The following EPB41L5 variants were observed in gnomAD, a reference collection of about 807,000 sequenced individuals.
EPB41L5 encodes erythrocyte membrane protein band 4.1 like 5.
EPB41L5 carries 55 observed loss-of-function variants against 106.6 expected under a neutral mutation model. That is an observed-to-expected ratio of 0.52 (90% CI 0.42 to 0.65). The LOEUF is 0.65. EPB41L5 is among the 30% of genes least tolerant of loss of function. EPB41L5 has a pLI of 0.00. For missense variants in EPB41L5, 871 were observed against 882.1 expected, an observed-to-expected ratio of 0.99 and a Z score of 0.16; for synonymous variants, 297 against 306.7, an observed-to-expected ratio of 0.97 and a Z score of 0.33.
At chr2:120,133,806 C>G (rs1229931708) in intron 18 of EPB41L5, among the ~76,000 whole-genome samples, 2 of 152,186 alleles carry the variant, frequency 1.3e-5, no homozygotes, top group Non-Finnish European at 2.9e-5. Flanking sequence ...GCATCACCCT[C>G]TCCCAGTCCC....
chr2:120,174,849 C>G lies in EPB41L5; in HGVS notation c.2144C>G (p.Pro715Arg), dbSNP rs1345353212. 1 of 1,614,010 alleles carries G rather than the reference C, an allele frequency of 6.2e-7. No individual in the cohort carries two copies. Among genetic ancestry groups the G allele is most frequent in the Non-Finnish European group, 8.5e-7 (1 of 1,180,022 alleles). ...FLVDAVTSSGPILAEEAVLKQ... is the reference protein window; with the variant it reads ...FLVDAVTSSGRILAEEAVLKQ... Reference sequence around the variant, plus strand: ...TTCTCTCTTCCTTTCAGCTCTGGTCCCATTTTGGCAGAAGAAGCTGTCCTG... The same window carrying G: ...TTCTCTCTTCCTTTCAGCTCTGGTCGCATTTTGGCAGAAGAAGCTGTCCTG... Residue 715 changes from proline (P) to arginine (R), a missense_variant, in exon 25 of 25, where the codon CCC becomes CGC. Physicochemically the swap from Pro to Arg is moderately radical, Grantham distance 103 (BLOSUM62 -2). Coordinates refer to ENST00000263713, the MANE Select transcript of EPB41L5 (RefSeq NM_020909.4).
At chr2:120,132,830 G>C (rs1025149974) in intron 18 of EPB41L5, among the ~76,000 whole-genome samples, 2 of 152,132 alleles carry the variant, frequency 1.3e-5, no homozygotes, top group South Asian at 2.1e-4. Context: ...TGGAGGACTG[G>C]AATGACCCTA....
intron 7 of EPB41L5, among the ~76,000 whole-genome samples, chr2:120,076,389 A>G (rs1045295262): frequency 6.6e-6 from 1 of 151,172 alleles, no homozygotes; most frequent in Non-Finnish European, 1.5e-5. Context: ...AGCTCTCTGA[A>G]GCCTTGAACT....
At chr2:120,082,186 C>G (rs146318663) in intron 10 of EPB41L5, among the ~76,000 whole-genome samples, 26,407 of 152,024 alleles carry the variant, frequency 0.17, 2,358 homozygotes, top group Middle Eastern at 0.23. Context: ...CTGTCTTGTG[C>G]CAGTTTTCAA....
chr2:120,060,982 G>A (rs2105280533), intron 3 of EPB41L5, among the ~76,000 whole-genome samples: 1 of 139,356 alleles, frequency 7.2e-6, no homozygotes, highest in Non-Finnish European at 1.5e-5. Flanking sequence ...GCTTGGTGAA[G>A]TTTGAAAAGG....
At chr2:120,167,685 G>A (rs181069182) in intron 23 of EPB41L5, among the ~76,000 whole-genome samples, 178 bp downstream of exon 23, 30 of 152,350 alleles carry the variant, frequency 2.0e-4, no homozygotes, top group Admixed American at 1.9e-3. Context: ...GTAAATGTTT[G>A]TCAGGATGCT....
At chr2:120,069,470 CCTAATAGACAT>C (rs1681705583) in intron 3 of EPB41L5, among the ~76,000 whole-genome samples, 1 of 152,040 alleles carries the variant, frequency 6.6e-6, no homozygotes, top group African/African-American at 2.4e-5. Context: ...ACCAAGCAGA[CCTAATAGACAT>C]CTACAGAACT....
At chr2:120,016,183 A>C (rs1677511755) in intron 1 of EPB41L5, among the ~76,000 whole-genome samples, 1 of 152,136 alleles carries the variant, frequency 6.6e-6, no homozygotes, top group African/African-American at 2.4e-5. Context: ...TAATCCTAGC[A>C]CTTTGGGAGG....
At chr2:120,083,556 G>A (rs926458514) in intron 10 of EPB41L5, among the ~76,000 whole-genome samples, 1 of 152,194 alleles carries the variant, frequency 6.6e-6, no homozygotes, top group Non-Finnish European at 1.5e-5. Context: ...GTGCAATGTG[G>A]TGCTGAGAAG....
intron 3 of EPB41L5, among the ~76,000 whole-genome samples, chr2:120,050,723 G>C (rs1680189792): frequency 1.3e-5 from 2 of 152,186 alleles, no homozygotes; most frequent in Admixed American, 1.3e-4. Context: ...CTTTGGAGGG[G>C]GAGAGGCGCT....
chr2:120,121,895 A>C (rs1319575337), intron 16 of EPB41L5, among the ~76,000 whole-genome samples: 3 of 152,092 alleles, frequency 2.0e-5, no homozygotes, highest in Admixed American at 6.5e-5. Context: ...ATGGGATCTC[A>C]TTGTGGTTTT....
intron 24 of EPB41L5, among the ~76,000 whole-genome samples, chr2:120,172,864 T>G (rs1687742679): frequency 6.6e-6 from 1 of 151,882 alleles, no homozygotes; most frequent in Non-Finnish European, 1.5e-5. Flanking sequence ...ACAAACAGGC[T>G]CCCCACCCTC....
At chr2:120,029,319 C>T (rs1384943058) in intron 2 of EPB41L5, among the ~76,000 whole-genome samples, 1 of 152,152 alleles carries the variant, frequency 6.6e-6, no homozygotes, top group African/African-American at 2.4e-5. Flanking sequence ...TGGCCCACCA[C>T]TATGCCCAGC....
At position 120,161,068 on chromosome 2, in the gene EPB41L5, A is replaced by G. The variant is rs576073578; in HGVS notation, c.1887+94A>G. On this transcript the variant is annotated intron_variant, in intron 21 of 24. Transcript: ENST00000263713. ...AAGGGCATCTAGTGATTACTGAGTG[A>G]CACTGGGACTTAAGATGTGAGAAGA... The G allele has an allele frequency of 2.1e-4, 177 of 859,906 alleles. No homozygotes were observed. In the African/African-American group the frequency reaches 2.8e-3, roughly 14 times the overall value. The allele number at this position is 859,906 out of a possible 1,614,324, so 53.3% of individuals were successfully genotyped here. A position where few individuals can be genotyped will look rare whatever the true frequency, so the allele number is the denominator to read the frequency against.
intron 16 of EPB41L5, among the ~76,000 whole-genome samples, chr2:120,117,706 C>G: frequency 6.6e-6 from 1 of 152,152 alleles, no homozygotes; most frequent in East Asian, 1.9e-4. Flanking sequence ...AGTTTGGACA[C>G]AGACCCGTGA....
At chr2:120,060,574 A>C (rs1236623024) in intron 3 of EPB41L5, among the ~76,000 whole-genome samples, 1 of 152,238 alleles carries the variant, frequency 6.6e-6, no homozygotes, top group East Asian at 1.9e-4. Context: ...AATTATAGAG[A>C]TTGAGATCAA....
rs1171417806 is a variant in EPB41L5, at chr2:120,076,997, G to A, written c.532G>A (p.Glu178Lys). 3.1e-6 allele frequency: 5 copies of A among 1,607,728 alleles called. No homozygotes were observed. The highest frequency in any genetic ancestry group is 4.2e-6 in the Non-Finnish European group (5 of 1,177,136). Residue 178 changes from glutamate to lysine, a missense_variant, in exon 8 of 25, where the codon GAG becomes AAG. By Grantham distance (56) the Glu-to-Lys change is moderately conservative. Transcript: ENST00000263713. The stretch of plus-strand genomic sequence containing the variant: ...TGAACTTGGTGACTATGATCTTGCT[G>A]AGCATAGTCCTGAACTTGTCTCAGA... Reference protein sequence around the residue: ...QAELGDYDLAEHSPELVSEFR... With the variant: ...QAELGDYDLAKHSPELVSEFR...
At chr2:120,048,387 G>A (rs1474997422) in intron 3 of EPB41L5, among the ~76,000 whole-genome samples, 1 of 152,090 alleles carries the variant, frequency 6.6e-6, no homozygotes. Context: ...GTTTAGTCTT[G>A]GGAGGGTGTA....
intron 10 of EPB41L5, among the ~76,000 whole-genome samples, chr2:120,086,485 G>C (rs1223038805): frequency 6.6e-6 from 1 of 152,164 alleles, no homozygotes; most frequent in Non-Finnish European, 1.5e-5. Flanking sequence ...AGTTGAGGCT[G>C]GTTGCAGTGG....
Sources: gnomAD v4.1 joint callset for allele counts (sites outside exome capture counted in the v4.1 genomes callset) on GRCh38, gnomAD v4.1.1 for gene constraint, MANE v1.5 for transcripts, NCBI Gene and HGNC (gene_info 2026-07-23, HGNC 2026-07-21) for gene names.